The following ZDHHC21 variants were observed in gnomAD, a reference collection of about 807,000 sequenced individuals.
ZDHHC21 encodes zDHHC palmitoyltransferase 21.
A neutral mutation model predicts 34.6 loss-of-function variants in ZDHHC21; 15 were observed. The ratio of observed to expected loss-of-function variants is 0.43; its 90% CI spans 0.29 to 0.67. The LOEUF is 0.67. Among genes scored for constraint, ZDHHC21 ranks in the 30% least tolerant of loss-of-function variants. ZDHHC21 has a pLI of 0.14. For missense variants in ZDHHC21, 344 were observed against 327.7 expected (o/e 1.05, Z -0.38); for synonymous variants, 142 against 101.8 (o/e 1.40, Z -2.38).
At chr9:14,603,681 A>T in the ZDHHC21 span, among the ~76,000 whole-genome samples, 1 of 152,174 alleles carries the variant, frequency 6.6e-6, no homozygotes, top group Non-Finnish European at 1.5e-5. Flanking sequence ...TGAAAATAAG[A>T]TCTCAACAGG....
intron 5 of ZDHHC21, 105 bp downstream of exon 5, chr9:14,672,725 G>T (rs1329153103): frequency 2.8e-6 from 2 of 713,648 alleles, no homozygotes; most frequent in Non-Finnish European, 4.5e-6. Context: ...CATCAAAGTG[G>T]TGTTAGATGA....
At chr9:14,621,879 A>T (rs974842536) in intron 8 of ZDHHC21, among the ~76,000 whole-genome samples, 9 of 151,994 alleles carry the variant, frequency 5.9e-5, no homozygotes, top group Admixed American at 5.2e-4. Flanking sequence ...TTTTGGAATT[A>T]AAAAAAACCA....
chr9:14,626,671 TAAATATG>T (rs1299726151), intron 8 of ZDHHC21, among the ~76,000 whole-genome samples: 2 of 151,924 alleles, frequency 1.3e-5, no homozygotes, highest in Non-Finnish European at 2.9e-5. Context: ...GTATTTCATG[TAAATATG>T]AAATATAACT....
At chr9:14,607,396 C>T (rs1458151188), downstream of ZDHHC21, among the ~76,000 whole-genome samples, 1 of 151,184 alleles carries the variant, frequency 6.6e-6, no homozygotes, top group Admixed American at 6.6e-5. Context: ...AGAGGCAGAC[C>T]CTGTATCCAA....
At chr9:14,631,004 T>TA (rs1350231185) in intron 8 of ZDHHC21, among the ~76,000 whole-genome samples, 1 of 152,192 alleles carries the variant, frequency 6.6e-6, no homozygotes, top group Non-Finnish European at 1.5e-5. Flanking sequence ...GGCTTCAACT[T>TA]ACAGTCACCA....
intron 5 of ZDHHC21, among the ~76,000 whole-genome samples, chr9:14,671,967 T>C (rs1430051700): frequency 6.6e-6 from 1 of 152,132 alleles, no homozygotes; most frequent in Non-Finnish European, 1.5e-5. Context: ...CATGTAACTA[T>C]TTCATTTGAC....
At chr9:14,656,153 C>G (rs978645468) in intron 7 of ZDHHC21, among the ~76,000 whole-genome samples, 2 of 151,902 alleles carry the variant, frequency 1.3e-5, no homozygotes, top group African/African-American at 4.8e-5. Context: ...AATGAAATGA[C>G]TGGAATTCAT....
chr9:14,659,090 A>T lies in ZDHHC21; in HGVS notation c.366-203T>A, dbSNP rs1832889303. On this transcript the variant is annotated intron_variant, in intron 6 of 9. Transcript: ENST00000380916. ...ATATTTGTAAAGCACTTCACAAAGG[A>T]AGTCCACATATGTGATCCCCCTTCA... Among the ~76,000 whole-genome samples, 4 of 152,190 alleles carry T rather than the reference A, an allele frequency of 2.6e-5. No homozygotes were observed. In the South Asian group the frequency reaches 8.3e-4, roughly 32 times the overall value.
At chr9:14,676,608 G>A (rs1405199854) in intron 3 of ZDHHC21, among the ~76,000 whole-genome samples, 1 of 151,830 alleles carries the variant, frequency 6.6e-6, no homozygotes, top group Non-Finnish European at 1.5e-5. Context: ...CAGAAATAGT[G>A]CCCAGGCCAC....
chr9:14,596,132 G>A, the ZDHHC21 span, among the ~76,000 whole-genome samples: 1 of 152,200 alleles, frequency 6.6e-6, no homozygotes, highest in African/African-American at 2.4e-5. Flanking sequence ...GTTCATGGCA[G>A]TTTCATTTAT....
In ZDHHC21 at chr9:14,692,534, G is replaced by C. The variant is rs539392862; in HGVS notation, c.-225+695C>G. On this transcript the variant is annotated intron_variant, in intron 1 of 9. Transcript: ENST00000380916. ...ATGTCCTCTCAGCCCTGGTGATACA[G>C]ACATCCACCCTGACTCTCAAGGGAT... is the stretch of plus-strand genomic sequence containing the variant. 8.2e-4 allele frequency among the ~76,000 whole-genome samples: 124 copies of C among 151,452 alleles called. 1 individual carries two copies. The highest frequency in any genetic ancestry group is 2.2e-3 in the African/African-American group (90 of 41,438).
In ZDHHC21 at chr9:14,623,423, G is replaced by A. The variant is rs184139719; in HGVS notation, c.622-3741C>T. ...ATGTGCCTGTAGTCCTCGCTACTTG[G>A]GGGACTTAGGTGGGAGGTTTGCTTG... is the stretch of plus-strand genomic sequence containing the variant. On this transcript the variant is annotated intron_variant, in intron 8 of 9. Transcript: ENST00000380916. 3.0e-4 allele frequency among the ~76,000 whole-genome samples: 45 copies of A among 152,084 alleles called. 2 individuals carry two copies. The highest frequency in any genetic ancestry group is 1.1e-3 in the African/African-American group (44 of 41,522).
intron 4 of ZDHHC21, among the ~76,000 whole-genome samples, chr9:14,673,896 A>G (rs1020332958): frequency 5.3e-5 from 8 of 152,014 alleles, no homozygotes; most frequent in Non-Finnish European, 1.0e-4. Flanking sequence ...CAGCAATAAT[A>G]AAAATACAGA....
intron 7 of ZDHHC21, 59 bp downstream of exon 7, chr9:14,658,690 C>G: frequency 7.0e-7 from 1 of 1,425,850 alleles, no homozygotes; most frequent in South Asian, 1.2e-5. Flanking sequence ...CCAGGATGGT[C>G]TCGATCTCCT....
downstream of ZDHHC21, among the ~76,000 whole-genome samples, chr9:14,608,783 T>C (rs894287207): frequency 1.3e-5 from 2 of 152,124 alleles, no homozygotes; most frequent in Non-Finnish European, 1.5e-5. Flanking sequence ...TTGCTGCTCA[T>C]ATGGGTAATT....
In ZDHHC21 at chr9:14,662,321, C is replaced by G; in HGVS notation, c.259G>C (p.Glu87Gln). The change falls in exon 6 of 10, where the codon GAG (glutamate) becomes CAG (glutamine). Residue 87 changes from glutamate (E) to glutamine (Q), a missense_variant. Coordinates refer to ENST00000380916, the MANE Select transcript of ZDHHC21 (RefSeq NM_178566.6). ...CACTTGTTACATAATTCCCAGAACT[C>G]CCTTTCTAAAGAAAAGAAATTAAAA... is the stretch of plus-strand genomic sequence containing the variant. ...ENPKIPHGEREFWELCNKCNL... is the reference protein window; with the variant it reads ...ENPKIPHGERQFWELCNKCNL... 6.2e-7 allele frequency: 1 copy of G among 1,603,172 alleles called. No individual in the cohort carries two copies. Among genetic ancestry groups the G allele is most frequent in the South Asian group, 1.1e-5 (1 of 88,718 alleles).
intron 5 of ZDHHC21, among the ~76,000 whole-genome samples, chr9:14,664,228 G>A (rs552192953): frequency 1.3e-5 from 2 of 152,112 alleles, no homozygotes; most frequent in African/African-American, 4.8e-5. Context: ...TTCCCTTTCC[G>A]AGTCAAAGAA....
chr9:14,665,022 A>C (rs1259382948), intron 5 of ZDHHC21, among the ~76,000 whole-genome samples: 1 of 119,684 alleles, frequency 8.4e-6, no homozygotes, highest in Non-Finnish European at 1.8e-5. Flanking sequence ...AGCTGAGAGA[A>C]GAAGGCTTCA....
chr9:14,675,010 G>A (rs558278276), intron 3 of ZDHHC21, among the ~76,000 whole-genome samples: 1 of 151,886 alleles, frequency 6.6e-6, no homozygotes, highest in East Asian at 1.9e-4. Context: ...CATTTTTTAA[G>A]TATTTTGAAA....
Sources: gnomAD v4.1 joint callset for allele counts (sites outside exome capture counted in the v4.1 genomes callset) on GRCh38, gnomAD v4.1.1 for gene constraint, MANE v1.5 for transcripts, NCBI Gene and HGNC (gene_info 2026-07-23, HGNC 2026-07-21) for gene names.